Variants in NDEL1 observed in about 807,000 individuals in gnomAD.
NDEL1 encodes nudE neurodevelopment protein 1 like 1, also known as nuclear distribution protein nudE-like 1.
A neutral mutation model predicts 45.7 loss-of-function variants in NDEL1; 9 were observed. The observed-to-expected ratio is 0.20, with a 90% CI of 0.12 to 0.34. The LOEUF (loss-of-function observed/expected upper bound fraction) is 0.34. NDEL1 is among the 10% of genes least tolerant of loss of function. NDEL1 has a pLI of 1.00. For missense variants in NDEL1, 306 were observed against 406.2 expected (o/e 0.75, Z 2.12); for synonymous variants, 133 against 158.6 (o/e 0.84, Z 1.21).
chr17:8,447,011 G>T, intron 4 of NDEL1, 109 bp downstream of exon 4: 5 of 1,357,466 alleles, frequency 3.7e-6, no homozygotes, highest in Non-Finnish European at 5.0e-6. Context: ...TTTCCTGTTG[G>T]TGTTTCATGT....
At chr17:8,455,289 T>C (rs1910757710) in intron 7 of NDEL1, among the ~76,000 whole-genome samples, 1 of 152,246 alleles carries the variant, frequency 6.6e-6, no homozygotes, top group African/African-American at 2.4e-5. Context: ...GCTCATGGCA[T>C]TACTCTCTAC....
intron 1 of NDEL1, among the ~76,000 whole-genome samples, chr17:8,441,759 TG>T (rs1306466886): frequency 1.3e-5 from 2 of 152,210 alleles, no homozygotes; most frequent in African/African-American, 4.8e-5. Flanking sequence ...ATGGGCCTGA[TG>T]GACTAGGCTT....
chr17:8,449,585 A>G (rs913919106), intron 5 of NDEL1, among the ~76,000 whole-genome samples: 6 of 152,184 alleles, frequency 3.9e-5, no homozygotes, highest in Non-Finnish European at 5.9e-5. Flanking sequence ...TGGCAACCAC[A>G]GTTCTATTTT....
chr17:8,440,978 A>G (rs1428955343), intron 1 of NDEL1, among the ~76,000 whole-genome samples: 1 of 152,262 alleles, frequency 6.6e-6, no homozygotes, highest in Non-Finnish European at 1.5e-5. Flanking sequence ...CCCACATTCA[A>G]ACACCTTCAA....
chr17:8,413,889 A>T (rs958280001), intron 1 of NDEL1, among the ~76,000 whole-genome samples: 3 of 152,210 alleles, frequency 2.0e-5, no homozygotes, highest in Non-Finnish European at 2.9e-5. Flanking sequence ...TGTAAATGGA[A>T]CTAGATGATT....
Position 8,444,373 on chromosome 17 carries a change from A to C in NDEL1, c.86+16A>C. ...ATAAGCAAAGGTAATGTTGGAAAGC[A>C]CACTAAAAGTAGGGGAGGGCATTTG... On this transcript the variant is annotated intron_variant, in intron 2 of 8. Transcript: ENST00000334527. 1 of 1,575,192 alleles carries C rather than the reference A, an allele frequency of 6.3e-7. No individual in the cohort carries two copies. Among genetic ancestry groups the C allele is most frequent in the Non-Finnish European group, 8.7e-7 (1 of 1,146,842 alleles).
In NDEL1 at chr17:8,450,931, G is replaced by A. The variant is rs1380667048; in HGVS notation, c.678G>A (p.Glu226=). The A allele has an allele frequency of 1.9e-6, 3 of 1,610,762 alleles. No individual in the cohort carries two copies. Among genetic ancestry groups the A allele is most frequent in the Admixed American group, 3.4e-5 (2 of 59,140 alleles). ...LPATPVGKGT[E]NTFPSPKAIP... ...CTACCCCTGTTGGCAAAGGAACGGAGAACACTTTTCCTTCACCGAAAGGTT... is the reference window on the plus strand; with the variant it reads ...CTACCCCTGTTGGCAAAGGAACGGAAAACACTTTTCCTTCACCGAAAGGTT... Residue 226 remains glutamate (E), a synonymous_variant, in exon 6 of 9, where the codon GAG becomes GAA. Coordinates refer to ENST00000334527, the MANE Select transcript of NDEL1 (RefSeq NM_030808.5).
At chr17:8,450,191 A>G (rs1255868457) in intron 5 of NDEL1, among the ~76,000 whole-genome samples, 1 of 151,610 alleles carries the variant, frequency 6.6e-6, no homozygotes, top group Non-Finnish European at 1.5e-5. Flanking sequence ...TGGGAGGCTG[A>G]GGCAGGAGAA....
chr17:8,450,246 G>A (rs935552762), intron 5 of NDEL1, among the ~76,000 whole-genome samples: 7 of 148,966 alleles, frequency 4.7e-5, no homozygotes, highest in Admixed American at 1.3e-4. Flanking sequence ...CCGAGATTGC[G>A]TCACTGCACT....
At chr17:8,443,555 C>T (rs1323177133) in intron 1 of NDEL1, among the ~76,000 whole-genome samples, 1 of 152,012 alleles carries the variant, frequency 6.6e-6, no homozygotes, top group East Asian at 1.9e-4. Flanking sequence ...AGGCATGCCT[C>T]TAGAGTGGGC....
chr17:8,445,667 T>A, intron 2 of NDEL1, 44 bp from the exon 3 acceptor site: 1 of 1,570,724 alleles, frequency 6.4e-7, no homozygotes, highest in Non-Finnish European at 8.6e-7. Context: ...ACAATCCTTG[T>A]GGTTCTTAGT....
intron 1 of NDEL1, among the ~76,000 whole-genome samples, chr17:8,423,947 C>T (rs1261868812): frequency 3.9e-5 from 6 of 152,144 alleles, no homozygotes. Flanking sequence ...AAATAGTTTA[C>T]ATCATTTACA....
intron 3 of NDEL1, 131 bp from the exon 4 acceptor site, chr17:8,446,617 AGTTGTT>A: frequency 1.3e-6 from 1 of 763,692 alleles, no homozygotes; most frequent in Non-Finnish European, 2.0e-6. Flanking sequence ...TGTGTCATTT[AGTTGTT>A]TTTAAAGTAA....
intron 8 of NDEL1, among the ~76,000 whole-genome samples, chr17:8,463,770 A>G (rs1310720966): frequency 6.6e-6 from 1 of 152,214 alleles, no homozygotes; most frequent in Non-Finnish European, 1.5e-5. Flanking sequence ...CAGTGTGAGC[A>G]TTCCCTCACC....
intron 8 of NDEL1, 28 bp from the exon 9 acceptor site, chr17:8,466,902 C>T: frequency 1.2e-6 from 2 of 1,604,212 alleles, no homozygotes; most frequent in African/African-American, 2.7e-5. Context: ...CCCCTTTCTT[C>T]CCTTCTGTGC....
At chr17:8,425,144 G>A (rs1236292181) in intron 1 of NDEL1, among the ~76,000 whole-genome samples, 1 of 152,182 alleles carries the variant, frequency 6.6e-6, no homozygotes, top group Non-Finnish European at 1.5e-5. Context: ...TCTCTTCTTT[G>A]CTATCCTACT....
At chr17:8,433,739 C>G (rs1031160552), upstream of NDEL1, among the ~76,000 whole-genome samples, 3 of 152,130 alleles carry the variant, frequency 2.0e-5, no homozygotes, top group African/African-American at 4.8e-5. Flanking sequence ...TGGTCTCGAA[C>G]TTCTGGGCTC....
At chr17:8,428,866 G>C (rs569723653) in intron 1 of NDEL1, among the ~76,000 whole-genome samples, 13 of 151,566 alleles carry the variant, frequency 8.6e-5, no homozygotes, top group South Asian at 2.1e-4. Flanking sequence ...GTAGAGACGG[G>C]GTTTCACCGT....
chr17:8,437,780 T>C (rs1293032829), intron 1 of NDEL1, among the ~76,000 whole-genome samples: 1 of 152,228 alleles, frequency 6.6e-6, no homozygotes, highest in Non-Finnish European at 1.5e-5. Context: ...AATAATTTCC[T>C]TGTAAATAAA....
Sources: gnomAD v4.1 joint callset for allele counts (sites outside exome capture counted in the v4.1 genomes callset) on GRCh38, gnomAD v4.1.1 for gene constraint, MANE v1.5 for transcripts, NCBI Gene and HGNC (gene_info 2026-07-23, HGNC 2026-07-21) for gene names.